ANKRD6: variants seen among roughly 807,000 people sequenced by gnomAD.
ANKRD6 encodes the protein ankyrin repeat domain-containing protein 6.
ANKRD6 carries 56 observed loss-of-function variants against 82.3 expected under a neutral mutation model. The ratio of observed to expected loss-of-function variants is 0.68; its 90% CI spans 0.55 to 0.85. The LOEUF (loss-of-function observed/expected upper bound fraction) is 0.85. ANKRD6 is among the 40% of genes least tolerant of loss of function. The pLI is 0.00. For synonymous variants in ANKRD6, 347 were observed against 352.1 expected, an observed-to-expected ratio of 0.99 and a Z score of 0.16; for missense variants, 852 against 907.6, an observed-to-expected ratio of 0.94 and a Z score of 0.79.
At chr6:89,568,396 C>A (rs1789024032) in intron 2 of ANKRD6, 1 of 152,154 alleles carries the variant, frequency 6.6e-6, no homozygotes, top group Non-Finnish European at 1.5e-5. Context: ...GCATAGTCTG[C>A]AAGTTTTTTC....
chr6:89,548,349 G>A (rs557995950), intron 1 of ANKRD6, among the ~76,000 whole-genome samples: 2 of 152,290 alleles, frequency 1.3e-5, no homozygotes, highest in East Asian at 1.9e-4. Flanking sequence ...CTATGTTATA[G>A]CATGTATCAG....
chr6:89,471,822 T>C (rs559082065), intron 1 of ANKRD6, among the ~76,000 whole-genome samples: 36 of 148,812 alleles, frequency 2.4e-4, no homozygotes, highest in African/African-American at 8.2e-4. Flanking sequence ...GGCTTCAAGA[T>C]AGAGAAGGAG....
At chr6:89,512,131 G>A (rs60786457) in intron 1 of ANKRD6, among the ~76,000 whole-genome samples, 1 of 152,124 alleles carries the variant, frequency 6.6e-6, no homozygotes. Flanking sequence ...GAGTCCTGGA[G>A]AAGTCAACAT....
intron 1 of ANKRD6, among the ~76,000 whole-genome samples, chr6:89,546,841 C>T (rs553202266): frequency 1.3e-5 from 2 of 152,282 alleles, no homozygotes; most frequent in South Asian, 4.1e-4. Flanking sequence ...TTTCATAGGA[C>T]CTTCTCACTG....
At chr6:89,539,764 A>G (rs909971248) in intron 1 of ANKRD6, among the ~76,000 whole-genome samples, 1 of 144,880 alleles carries the variant, frequency 6.9e-6, no homozygotes, top group African/African-American at 2.6e-5. Flanking sequence ...TACACCCATT[A>G]GCCATCCTCA....
rs139013992 is a variant in ANKRD6 at position 89,595,849 on chromosome 6, C to T, written c.121-67C>T. The T allele has an allele frequency of 4.5e-4, 589 of 1,319,998 alleles. 4 individuals carry two copies. The African/African-American group carries it at 7.4e-3, about 17-fold the overall frequency. 81.8% of individuals were successfully genotyped at this position (1,319,998 alleles called of 1,614,324 possible). On this transcript the variant is annotated intron_variant, in intron 2 of 15. Coordinates refer to ENST00000339746, the MANE Select transcript of ANKRD6 (RefSeq NM_001242809.2). ...CCCCTGTGCAAACCTTGCTCTAGGC[C>T]CTCTGTCTCCCAAGGGAGTAGCATT...
chr6:89,613,391 C>A (rs187077627), intron 6 of ANKRD6, among the ~76,000 whole-genome samples: 88 of 152,298 alleles, frequency 5.8e-4, no homozygotes, highest in Middle Eastern at 6.8e-3. Flanking sequence ...GGGAAGGGCT[C>A]ATTTCCAAAG....
At chr6:89,588,000 T>C (rs1794115059) in intron 2 of ANKRD6, among the ~76,000 whole-genome samples, 1 of 152,238 alleles carries the variant, frequency 6.6e-6, no homozygotes, top group Admixed American at 6.5e-5. Context: ...TTGTCTTCAT[T>C]GAATCATAAG....
At chr6:89,586,037 A>G (rs932515637) in intron 2 of ANKRD6, among the ~76,000 whole-genome samples, 1 of 152,242 alleles carries the variant, frequency 6.6e-6, no homozygotes, top group African/African-American at 2.4e-5. Context: ...TCATGTAGTC[A>G]GCACAACCTT....
chr6:89,497,540 T>A (rs996537070), intron 1 of ANKRD6, among the ~76,000 whole-genome samples: 1 of 152,196 alleles, frequency 6.6e-6, no homozygotes. Context: ...TAATAGGGGA[T>A]CTTTGAAATC....
Position 89,621,724 on chromosome 6 carries a change from T to A in ANKRD6, c.793-198T>A, listed in dbSNP as rs187465349. ...GAGGTCAGGGATAATATCCTACCTG[T>A]CTCCGAGTCCCCGTGGTGCCCAGGA... On this transcript the variant is annotated intron_variant, in intron 9 of 15. Transcript: ENST00000339746. 667 of 599,756 alleles carry A rather than the reference T, an allele frequency of 1.1e-3. 1 individual carries two copies. Among genetic ancestry groups the A allele is most frequent in the Non-Finnish European group, 1.4e-3 (446 of 330,270 alleles). The allele number at this position is 599,756 out of a possible 1,614,324, so 37.2% of individuals were successfully genotyped here.
chr6:89,470,660 G>A (rs911077651), intron 1 of ANKRD6, among the ~76,000 whole-genome samples: 2 of 90,690 alleles, frequency 2.2e-5, no homozygotes, highest in Non-Finnish European at 4.2e-5. Context: ...CCCTTTAAAT[G>A]AGCATTTCTG....
chr6:89,546,465 AT>A (rs1785109607), intron 1 of ANKRD6, among the ~76,000 whole-genome samples: 1 of 151,902 alleles, frequency 6.6e-6, no homozygotes, highest in South Asian at 2.1e-4. Flanking sequence ...TGATTGATCG[AT>A]TGATCGATTG....
chr6:89,531,617 G>C (rs181455431), intron 1 of ANKRD6, among the ~76,000 whole-genome samples: 7 of 152,346 alleles, frequency 4.6e-5, no homozygotes, highest in Admixed American at 3.9e-4. Context: ...TAAAAAATTG[G>C]AGATCCGGTC....
intron 1 of ANKRD6, chr6:89,504,807 A>T (rs1020288870): frequency 3.9e-5 from 6 of 152,206 alleles, no homozygotes; most frequent in African/African-American, 1.4e-4. Context: ...TTTAAAGCAA[A>T]TAGAGGGCTT....
chr6:89,556,811 C>T (rs531173175), intron 1 of ANKRD6, among the ~76,000 whole-genome samples: 106 of 152,280 alleles, frequency 7.0e-4, no homozygotes, highest in Non-Finnish European at 1.0e-3. Flanking sequence ...TTGCAACAAC[C>T]TAATGAGGTA....
chr6:89,533,077 A>G (rs1414460273), intron 1 of ANKRD6, among the ~76,000 whole-genome samples: 1 of 151,870 alleles, frequency 6.6e-6, no homozygotes, highest in Non-Finnish European at 1.5e-5. Context: ...GGGTTTCACC[A>G]TGTTGGTCAG....
chr6:89,524,881 A>G (rs1176872065), intron 1 of ANKRD6, among the ~76,000 whole-genome samples: 1 of 151,518 alleles, frequency 6.6e-6, no homozygotes, highest in Non-Finnish European at 1.5e-5. Context: ...ATCCATGCCA[A>G]CATCTATTTT....
intron 1 of ANKRD6, among the ~76,000 whole-genome samples, chr6:89,484,330 C>T (rs996707800): frequency 3.9e-5 from 6 of 152,176 alleles, no homozygotes; most frequent in Non-Finnish European, 7.3e-5. Flanking sequence ...ATGTCTTTGT[C>T]ATGCTGTGGG....
Sources: allele counts gnomAD v4.1 joint callset (sites outside exome capture counted in the v4.1 genomes callset), GRCh38; gene constraint gnomAD v4.1.1; transcripts MANE v1.5; gene names NCBI Gene and HGNC (gene_info 2026-07-23, HGNC 2026-07-21).